The following CUX1 variants were observed in gnomAD, a reference collection of about 807,000 sequenced individuals.
CUX1 encodes the protein protein CASP.
Under a neutral mutation model 158.8 loss-of-function variants are expected in CUX1, and 31 were observed. The ratio of observed to expected loss-of-function variants is 0.20; its 90% CI spans 0.15 to 0.26. The LOEUF (loss-of-function observed/expected upper bound fraction) is 0.26. Ranked by LOEUF, CUX1 falls within the 10% of genes least tolerant of loss-of-function variation. CUX1 has a pLI of 1.00. For synonymous variants in CUX1, 879 were observed against 862.1 expected, an observed-to-expected ratio of 1.02 and a Z score of -0.34; for missense variants, 1,589 against 2,014.6, an observed-to-expected ratio of 0.79 and a Z score of 4.04.
intron 12 of CUX1, 145 bp from the exon 13 acceptor site, chr7:102,193,697 C>G: frequency 1.4e-6 from 1 of 733,758 alleles, no homozygotes; most frequent in Non-Finnish European, 2.2e-6. Context: ...CCCAGCTACT[C>G]GGGAGGCTGA....
intron 2 of CUX1, among the ~76,000 whole-genome samples, chr7:101,935,130 A>G (rs1806763850): frequency 6.6e-6 from 1 of 152,122 alleles, no homozygotes; most frequent in African/African-American, 2.4e-5. Flanking sequence ...ACCACAAAAG[A>G]AGTGAAAATG....
chr7:102,272,415 G>T (rs1490720032), intron 14 of CUX1, among the ~76,000 whole-genome samples: 1 of 152,242 alleles, frequency 6.6e-6, no homozygotes, highest in Non-Finnish European at 1.5e-5. Context: ...CCTGGCGGCT[G>T]TGCAGCCTAC....
chr7:101,865,953 G>A (rs561405419), intron 1 of CUX1, among the ~76,000 whole-genome samples: 1 of 152,272 alleles, frequency 6.6e-6, no homozygotes, highest in South Asian at 2.1e-4. Context: ...TGGAATGCTT[G>A]TTTTACAGCC....
chr7:102,282,023 C>T, intron 21 of CUX1: 1 of 814,674 alleles, frequency 1.2e-6, no homozygotes, highest in Non-Finnish European at 2.1e-6. Context: ...TGGGCCTACC[C>T]CAAGCTGCAT....
upstream of CUX1, chr7:101,817,583 G>C (rs1792004154): frequency 6.6e-7 from 1 of 1,520,772 alleles, no homozygotes; most frequent in Non-Finnish European, 8.8e-7. The surrounding 1 kb of genome is among the most constrained non-coding windows in gnomAD (Gnocchi z 4.1). Flanking sequence ...GGTCCGCCCC[G>C]CACGTGCCAG....
rs914259258 is a variant in CUX1, at chr7:101,982,453, G to A, written c.142-45645G>A. 2.6e-5 allele frequency among the ~76,000 whole-genome samples: 4 copies of A among 151,948 alleles called. No individual in the cohort carries two copies. In the South Asian group the frequency reaches 6.2e-4, roughly 24 times the overall value. ...TTTTTTCTTTTTTGTTTGAGATGGA[G>A]TCTTGCTCTGTCGCCCAGGCTGGAG... On this transcript the variant is annotated intron_variant, in intron 2 of 23. Transcript: ENST00000292535.
chr7:102,036,051 T>G (rs774815471), intron 3 of CUX1, among the ~76,000 whole-genome samples: 3 of 152,112 alleles, frequency 2.0e-5, no homozygotes, highest in Non-Finnish European at 2.9e-5. Context: ...TCCCTGCAGC[T>G]GAGGTCCAAT....
At position 102,097,591 on chromosome 7, in the gene CUX1, C is replaced by A. The variant is rs1253032320; in HGVS notation, c.406+90C>A. The A allele has an allele frequency of 3.0e-6, 4 of 1,347,268 alleles. No homozygotes were observed. The South Asian group carries it at 6.0e-5, about 20-fold the overall frequency. 83.5% of individuals were successfully genotyped at this position (1,347,268 alleles called of 1,614,324 possible). A position where few individuals can be genotyped will look rare whatever the true frequency, so the allele number is the denominator to read the frequency against. ...TTGGCTTTTCCCATACTTTTGAGACCAGCTCTCCTTGTAATATACACGTCA... is the reference window on the plus strand; with the variant it reads ...TTGGCTTTTCCCATACTTTTGAGACAAGCTCTCCTTGTAATATACACGTCA... On this transcript the variant is annotated intron_variant, in intron 5 of 23. Coordinates refer to ENST00000292535, the MANE Select transcript of CUX1 (RefSeq NM_181552.4).
chr7:101,912,520 G>T (rs1803614821), intron 1 of CUX1, among the ~76,000 whole-genome samples: 1 of 152,064 alleles, frequency 6.6e-6, no homozygotes, highest in Non-Finnish European at 1.5e-5. Context: ...AGTTCTTCCA[G>T]CTAGATAATG....
At position 102,268,753 on chromosome 7, in the gene CUX1, C is replaced by T. The variant is rs142136917; in HGVS notation, c.1256-4613C>T. ...TGGAGGCTTTACTCATGGTGGAAGG[C>T]GAAGTGGGAGCAGGTGTGAGACATG... is the stretch of plus-strand genomic sequence containing the variant. On this transcript the variant is annotated intron_variant, in intron 14 of 22. Transcript: ENST00000292538. 1.9e-3 allele frequency among the ~76,000 whole-genome samples: 285 copies of T among 151,780 alleles called. 2 individuals are homozygous for T. The highest frequency in any genetic ancestry group is 3.4e-3 in the Middle Eastern group (1 of 292).
At position 102,201,839 on chromosome 7, in the gene CUX1, G is replaced by A. The variant is rs369468371; in HGVS notation, c.2542G>A (p.Gly848Ser). 758 of 1,613,274 alleles carry A rather than the reference G, an allele frequency of 4.7e-4. 12 individuals carry two copies. In the South Asian group the frequency reaches 7.7e-3, roughly 16 times the overall value. Residue 848 changes from glycine (G) to serine (S), a missense_variant, in exon 18 of 24, where the codon GGC becomes AGC. Coordinates refer to ENST00000292535, the MANE Select transcript of CUX1 (RefSeq NM_181552.4). The surrounding 1 kb of genome is among the most constrained non-coding windows in gnomAD (Gnocchi z 5.0). ...GGAGGCCAAGGCCGAAGAAACGGGCGGCGGGAAAGAGAAGGGCAGCGGTGG... is the reference window on the plus strand; with the variant it reads ...GGAGGCCAAGGCCGAAGAAACGGGCAGCGGGAAAGAGAAGGGCAGCGGTGG... ...SEEAKAEETG[G>S]GKEKGSGGSG...
At chr7:102,192,283 A>G (rs1794361443) in intron 12 of CUX1, among the ~76,000 whole-genome samples, 3 of 152,268 alleles carry the variant, frequency 2.0e-5, no homozygotes, top group South Asian at 2.1e-4. Context: ...GTGGTCTCCA[A>G]TCCATCAAGA....
chr7:102,211,578 C>T lies in CUX1; in HGVS notation c.3130+6408C>T, dbSNP rs373932954. Among the ~76,000 whole-genome samples the T allele has an allele frequency of 3.2e-4, 48 of 150,394 alleles. 3 individuals are homozygous for T. In the South Asian group the frequency reaches 8.7e-3, roughly 27 times the overall value. The stretch of plus-strand genomic sequence containing the variant: ...GGTGCATCACCTGACGTCAGGAGTT[C>T]GAGACCAGCCTGGCCAACATGGGGA... On this transcript the variant is annotated intron_variant, in intron 20 of 23. Coordinates refer to ENST00000292535, the MANE Select transcript of CUX1 (RefSeq NM_181552.4).
intron 14 of CUX1, among the ~76,000 whole-genome samples, chr7:102,271,646 G>T (rs1554546311): frequency 6.6e-6 from 1 of 152,206 alleles, no homozygotes; most frequent in Non-Finnish European, 1.5e-5. Context: ...CTGCCTTCAG[G>T]TCCTGCCTCT....
chr7:102,007,622 C>T (rs1221600287), intron 2 of CUX1, among the ~76,000 whole-genome samples: 1 of 151,522 alleles, frequency 6.6e-6, no homozygotes, highest in Admixed American at 6.6e-5. Flanking sequence ...CTACAAAGCC[C>T]CACTCTCTCC....
intron 2 of CUX1, among the ~76,000 whole-genome samples, chr7:101,929,740 G>A (rs1806076946): frequency 6.6e-6 from 1 of 152,144 alleles, no homozygotes; most frequent in Non-Finnish European, 1.5e-5. Context: ...TGAAGCGTAA[G>A]CCACCCACCC....
chr7:101,867,405 G>T (rs180979809), intron 1 of CUX1, among the ~76,000 whole-genome samples: 4 of 152,150 alleles, frequency 2.6e-5, no homozygotes, highest in Admixed American at 1.3e-4. Context: ...CCCACCAGGG[G>T]CCCACCTGCC....
At chr7:102,149,434 T>C (rs1467653471) in intron 8 of CUX1, among the ~76,000 whole-genome samples, 1 of 113,228 alleles carries the variant, frequency 8.8e-6, no homozygotes, top group Non-Finnish European at 1.7e-5. Context: ...ATATCCCTGC[T>C]GAGCTCCTAG....
intron 20 of CUX1, among the ~76,000 whole-genome samples, chr7:102,205,781 C>T (rs1795883542): frequency 6.6e-6 from 1 of 152,130 alleles, no homozygotes; most frequent in African/African-American, 2.4e-5. Context: ...CATTTCACAG[C>T]CTCGAGGTCT....
Sources: allele counts gnomAD v4.1 joint callset (sites outside exome capture counted in the v4.1 genomes callset), GRCh38; gene constraint gnomAD v4.1.1; non-coding constraint Gnocchi (gnomAD v3.1); transcripts MANE v1.5; gene names NCBI Gene and HGNC (gene_info 2026-07-23, HGNC 2026-07-21).